CBFA2T2: variants seen among roughly 807,000 people sequenced by gnomAD.
The protein encoded by CBFA2T2 is protein CBFA2T2.
In CBFA2T2, 11 loss-of-function variants were observed where a neutral mutation model predicts 62.2. That is an observed-to-expected ratio of 0.18 (90% CI 0.11 to 0.29). The LOEUF (loss-of-function observed/expected upper bound fraction) is 0.29, where lower values mean the gene tolerates loss of function less well. CBFA2T2 is among the 10% of genes least tolerant of loss of function. CBFA2T2 has a pLI of 1.00. For missense variants in CBFA2T2, 592 were observed against 774.1 expected, an observed-to-expected ratio of 0.76 and a Z score of 2.79; for synonymous variants, 295 against 287.5, an observed-to-expected ratio of 1.03 and a Z score of -0.27.
Position 33,646,251 on chromosome 20 carries a change from T to G in CBFA2T2, c.*1605T>G, listed in dbSNP as rs2017045723. 1 of 152,142 alleles carries G rather than the reference T, an allele frequency of 6.6e-6. No individual in the cohort carries two copies. Among genetic ancestry groups the G allele is most frequent in the African/African-American group, 2.4e-5 (1 of 41,414 alleles). The allele number at this position is 152,142 out of a possible 1,614,324, so 9.4% of individuals were successfully genotyped here. On this transcript the variant is annotated 3_prime_UTR_variant, in exon 11 of 11. Coordinates refer to ENST00000342704, the MANE Select transcript of CBFA2T2 (RefSeq NM_001032999.3). ...ACTCCTGACCTCAGGTGACCTGCCT[T>G]GGCCTCCCAAAGTGCAGGGATTACA... is the stretch of plus-strand genomic sequence containing the variant.
Position 33,552,067 on chromosome 20 carries a change from C to A in CBFA2T2, c.35-54889C>A, listed in dbSNP as rs144383904. 6.9e-4 allele frequency among the ~76,000 whole-genome samples: 102 copies of A among 148,516 alleles called. No homozygotes were observed. The East Asian group carries it at 0.019, about 27-fold the overall frequency. On this transcript the variant is annotated intron_variant, in intron 1 of 10. Transcript: ENST00000342704. The stretch of plus-strand genomic sequence containing the variant: ...TCAAGATCACTTTTGAGTTTGATTG[C>A]TTCCCTGGTTTTTTTTTTTTTTTAA...
intron 8 of CBFA2T2, among the ~76,000 whole-genome samples, chr20:33,635,026 A>G (rs1439517218): frequency 6.6e-6 from 1 of 152,220 alleles, no homozygotes; most frequent in Non-Finnish European, 1.5e-5. Flanking sequence ...GAATTTCAAA[A>G]AGAATGAGCA....
At chr20:33,639,423 A>C (rs868811023) in intron 9 of CBFA2T2, 1 of 152,022 alleles carries the variant, frequency 6.6e-6, no homozygotes, top group Non-Finnish European at 1.5e-5. Flanking sequence ...AAATACAAAA[A>C]ATTAGCCAGG....
In CBFA2T2 at chr20:33,645,237, T is replaced by G. The variant is rs930641442; in HGVS notation, c.*591T>G. On this transcript the variant is annotated 3_prime_UTR_variant, in exon 11 of 11. Coordinates refer to ENST00000342704, the MANE Select transcript of CBFA2T2 (RefSeq NM_001032999.3). Reference sequence around the variant, plus strand: ...CACAGGAAAGAAGTCACTGTTGCAATAAAAGCACCCGTAGTAGCAAAAACA... The same window carrying G: ...CACAGGAAAGAAGTCACTGTTGCAAGAAAAGCACCCGTAGTAGCAAAAACA... 1 of 148,870 alleles carries G rather than the reference T, an allele frequency of 6.7e-6. No homozygotes were observed. Among genetic ancestry groups the G allele is most frequent in the Non-Finnish European group, 1.5e-5 (1 of 67,808 alleles). The allele number at this position is 148,870 out of a possible 1,614,324, so 9.2% of individuals were successfully genotyped here. A position where few individuals can be genotyped will look rare whatever the true frequency, so the allele number is the denominator to read the frequency against.
chr20:33,594,022 G>A (rs6059382), intron 1 of CBFA2T2, among the ~76,000 whole-genome samples: 1 of 152,134 alleles, frequency 6.6e-6, no homozygotes, highest in Non-Finnish European at 1.5e-5. Flanking sequence ...ATCTGTTTTA[G>A]GTTTTAAATC....
intron 8 of CBFA2T2, among the ~76,000 whole-genome samples, chr20:33,631,344 A>G (rs1156553435): frequency 6.6e-6 from 1 of 152,160 alleles, no homozygotes; most frequent in Non-Finnish European, 1.5e-5. Context: ...CCAAAAACAG[A>G]CAAAGCTAAT....
chr20:33,626,466 A>T (rs1386016001), intron 6 of CBFA2T2, among the ~76,000 whole-genome samples: 4 of 152,176 alleles, frequency 2.6e-5, no homozygotes, highest in Non-Finnish European at 5.9e-5. Context: ...TTGTTGTTCC[A>T]TTTGGAATGC....
chr20:33,554,232 G>T (rs984578425), intron 1 of CBFA2T2, among the ~76,000 whole-genome samples: 8 of 150,812 alleles, frequency 5.3e-5, no homozygotes, highest in African/African-American at 1.9e-4. Flanking sequence ...ATAAGCACCA[G>T]TGTTTATTTT....
At chr20:33,578,674 G>C (rs2013951342) in intron 1 of CBFA2T2, among the ~76,000 whole-genome samples, 1 of 152,010 alleles carries the variant, frequency 6.6e-6, no homozygotes, top group Admixed American at 6.6e-5. Context: ...GCTTAAGAAG[G>C]GTATTTTCTC....
chr20:33,562,794 C>A (rs2013138394), intron 1 of CBFA2T2: 1 of 502,962 alleles, frequency 2.0e-6, no homozygotes, highest in Non-Finnish European at 2.6e-6. Context: ...TACAAGAGTT[C>A]AGCCTTTCTA....
At chr20:33,556,866 T>C (rs1455161722) in intron 1 of CBFA2T2, among the ~76,000 whole-genome samples, 1 of 152,150 alleles carries the variant, frequency 6.6e-6, no homozygotes, top group East Asian at 1.9e-4. Context: ...TCCATTACTA[T>C]CATTATTTAT....
At position 33,535,628 on chromosome 20, in the gene CBFA2T2, T is replaced by A. The variant is rs1048127307; in HGVS notation, c.34+45327T>A. ...TTTTTATTTTTTTATTTTTTCTTTT[T>A]TTTTTTGACCTTTTAAATATTTATT... On this transcript the variant is annotated intron_variant, in intron 1 of 10. Coordinates refer to ENST00000342704, the MANE Select transcript of CBFA2T2 (RefSeq NM_001032999.3). Among the ~76,000 whole-genome samples the A allele has an allele frequency of 6.3e-3, 950 of 149,998 alleles. 11 individuals are homozygous for A. The highest frequency in any genetic ancestry group is 0.022 in the African/African-American group (893 of 41,250).
intron 1 of CBFA2T2, among the ~76,000 whole-genome samples, chr20:33,494,264 TATATATA>T (rs1408604003): frequency 7.3e-4 from 55 of 75,524 alleles, no homozygotes; most frequent in African/African-American, 1.9e-3. Context: ...TATATATATA[TATATATA>T]TATTTTTTTT....
intron 1 of CBFA2T2, among the ~76,000 whole-genome samples, chr20:33,520,018 G>C (rs528979968): frequency 6.6e-6 from 1 of 152,036 alleles, no homozygotes; most frequent in Admixed American, 6.6e-5. Context: ...ATGGTGGCTC[G>C]TGCCTAATCC....
intron 1 of CBFA2T2, among the ~76,000 whole-genome samples, chr20:33,519,828 CT>C (rs1156328047): frequency 6.6e-6 from 1 of 152,096 alleles, no homozygotes; most frequent in Non-Finnish European, 1.5e-5. Flanking sequence ...CAGAGGGTGT[CT>C]AAACCTGACA....
At chr20:33,550,315 G>A (rs2012703113) in intron 1 of CBFA2T2, among the ~76,000 whole-genome samples, 1 of 152,220 alleles carries the variant, frequency 6.6e-6, no homozygotes, top group African/African-American at 2.4e-5. Context: ...CTTGAAGACA[G>A]CATAATTTGA....
At chr20:33,490,397 G>A in intron 1 of CBFA2T2, 96 bp downstream of exon 1, 2 of 1,161,548 alleles carry the variant, frequency 1.7e-6, no homozygotes, top group Non-Finnish European at 2.2e-6. Flanking sequence ...CGCGAGGCCG[G>A]GAGTGGAAAC....
intron 1 of CBFA2T2, among the ~76,000 whole-genome samples, chr20:33,519,597 C>T (rs1005257114): frequency 3.3e-5 from 5 of 152,124 alleles, no homozygotes; most frequent in Admixed American, 6.6e-5. Flanking sequence ...ATTCCTTGCA[C>T]CAGTCTACCG....
At chr20:33,548,135 C>T (rs1349549097) in intron 1 of CBFA2T2, among the ~76,000 whole-genome samples, 1 of 151,990 alleles carries the variant, frequency 6.6e-6, no homozygotes, top group African/African-American at 2.4e-5. Context: ...ACAAAGAAGG[C>T]AGGATCTCTA....
Sources: allele counts gnomAD v4.1 joint callset (sites outside exome capture counted in the v4.1 genomes callset), GRCh38; gene constraint gnomAD v4.1.1; transcripts MANE v1.5; gene names NCBI Gene and HGNC (gene_info 2026-07-23, HGNC 2026-07-21).